Variants in TMPRSS15 observed in about 807,000 individuals in gnomAD.
The protein encoded by TMPRSS15 is enteropeptidase.
Under a neutral mutation model 125.3 loss-of-function variants are expected in TMPRSS15, and 128 were observed. The observed-to-expected ratio is 1.02, with a 90% CI of 0.89 to 1.18. The LOEUF (loss-of-function observed/expected upper bound fraction) is 1.18. Ranked by LOEUF, TMPRSS15 falls within the 50% of genes most tolerant of loss-of-function variation. The pLI, the probability that TMPRSS15 is intolerant of heterozygous loss-of-function variation, is 0.00. For synonymous variants in TMPRSS15, 446 were observed against 423.2 expected (o/e 1.05, Z -0.66); for missense variants, 1,283 against 1,212.7 (o/e 1.06, Z -0.86).
At chr21:18,349,625 C>T (rs1024486837) in intron 10 of TMPRSS15, among the ~76,000 whole-genome samples, 4 of 152,074 alleles carry the variant, frequency 2.6e-5, no homozygotes, top group African/African-American at 7.2e-5. Flanking sequence ...AAGAAAAACG[C>T]CCTTTGGAGA....
At chr21:18,284,573 T>C (rs951841518) in intron 21 of TMPRSS15, among the ~76,000 whole-genome samples, 2 of 152,196 alleles carry the variant, frequency 1.3e-5, no homozygotes, top group Non-Finnish European at 2.9e-5. Flanking sequence ...ATGGGACTTT[T>C]TATGTTTTTA....
intron 1 of TMPRSS15, among the ~76,000 whole-genome samples, chr21:18,459,671 G>A (rs1041896175): frequency 2.0e-5 from 3 of 151,964 alleles, no homozygotes; most frequent in Admixed American, 6.6e-5. Flanking sequence ...ATAATTTTTG[G>A]TCTTATTCTA....
chr21:18,302,479 C>A (rs539680099), intron 18 of TMPRSS15, among the ~76,000 whole-genome samples: 1 of 152,294 alleles, frequency 6.6e-6, no homozygotes, highest in African/African-American at 2.4e-5. Flanking sequence ...GCATTTATAA[C>A]AATACACCTA....
intron 16 of TMPRSS15, among the ~76,000 whole-genome samples, chr21:18,325,372 G>C (rs2075278358): frequency 6.6e-6 from 1 of 152,026 alleles, no homozygotes; most frequent in Non-Finnish European, 1.5e-5. Flanking sequence ...TATCAGTTGT[G>C]CTTCATTTTC....
Position 18,329,291 on chromosome 21 carries a change from A to G in TMPRSS15, c.1658T>C (p.Val553Ala). 6.2e-7 allele frequency: 1 copy of G among 1,609,206 alleles called. No homozygotes were observed. The highest frequency in any genetic ancestry group is 8.5e-7 in the Non-Finnish European group (1 of 1,177,268). ...TCCTTTTTGTGCATTTAAAATCCAA[A>G]CACCTAAAAAGTAAGAAGTAACATT... ...PNSYPNLAFC[V>A]WILNAQKGKN... is the part of the protein sequence containing the mutation. The change falls in exon 15 of 25, where the codon GTT becomes GCT. Residue 553 changes from valine (V) to alanine (A), a missense_variant. Physicochemically the swap from Val to Ala is moderately conservative, Grantham distance 64 (BLOSUM62 0). Transcript: ENST00000284885.
chr21:18,347,838 C>A (rs951622626), intron 10 of TMPRSS15, among the ~76,000 whole-genome samples: 3 of 152,076 alleles, frequency 2.0e-5, no homozygotes, highest in Non-Finnish European at 4.4e-5. Flanking sequence ...CAACTTAAAA[C>A]CCAGGATATT....
rs1291060796 is a variant in TMPRSS15 at position 18,332,081 on chromosome 21, CA to C, written c.1654+2del. ...CTGATGACCTGGAAAAGAAATGACTCACAGAAAGCCAGATTAGGGTAGCTGT... is the reference window on the plus strand; with the variant it reads ...CTGATGACCTGGAAAAGAAATGACTCCAGAAAGCCAGATTAGGGTAGCTGT... On this transcript the variant is annotated splice_donor_variant, in intron 14 of 24. Transcript: ENST00000284885. LOFTEE classifies it high-confidence loss of function. The C allele has an allele frequency of 6.2e-7, 1 of 1,612,866 alleles. No individual in the cohort carries two copies. The highest frequency in any genetic ancestry group is 8.5e-7 in the Non-Finnish European group (1 of 1,178,930).
At chr21:18,325,535 T>G (rs2075279710) in intron 16 of TMPRSS15, among the ~76,000 whole-genome samples, 2 of 152,082 alleles carry the variant, frequency 1.3e-5, no homozygotes, top group South Asian at 4.2e-4. Context: ...ATAGGCCAGA[T>G]GAAGATGAAC....
At chr21:18,467,989 A>G (rs1229541795) in intron 1 of TMPRSS15, among the ~76,000 whole-genome samples, 2 of 152,072 alleles carry the variant, frequency 1.3e-5, no homozygotes, top group Non-Finnish European at 2.9e-5. Context: ...GAGACAGTGG[A>G]GGTAAAGAGA....
At chr21:18,397,498 T>C (rs2076051125) in intron 3 of TMPRSS15, among the ~76,000 whole-genome samples, 1 of 152,140 alleles carries the variant, frequency 6.6e-6, no homozygotes, top group Admixed American at 6.6e-5. Context: ...GGGTACACAG[T>C]GGACAAGTAC....
At chr21:18,470,052 G>T (rs950045440) in intron 1 of TMPRSS15, among the ~76,000 whole-genome samples, 2 of 151,952 alleles carry the variant, frequency 1.3e-5, no homozygotes, top group African/African-American at 4.8e-5. Context: ...AGATAGCCTA[G>T]TTTTTTTGGT....
rs536598295 is a variant in TMPRSS15 at position 18,423,463 on chromosome 21, C to T, written c.11-25134G>A. ...TCGCTCTGTCGCCCAGGCTGGAGTG[C>T]AGTGGCGCGATCTCGGCTCACTGCA... is the stretch of plus-strand genomic sequence containing the variant. On this transcript the variant is annotated intron_variant, in intron 1 of 7. Coordinates refer to the TMPRSS15 transcript ENST00000422787. 2.0e-4 allele frequency among the ~76,000 whole-genome samples: 30 copies of T among 149,224 alleles called. 1 individual carries two copies. In the South Asian group the frequency reaches 6.1e-3, roughly 30 times the overall value.
At chr21:18,386,536 T>C (rs967053968) in intron 3 of TMPRSS15, among the ~76,000 whole-genome samples, 1 of 152,204 alleles carries the variant, frequency 6.6e-6, no homozygotes, top group Non-Finnish European at 1.5e-5. Flanking sequence ...ATTTCTGCAA[T>C]ACTTCCAAAA....
chr21:18,443,288 C>A (rs1268647870), intron 1 of TMPRSS15, among the ~76,000 whole-genome samples: 1 of 152,140 alleles, frequency 6.6e-6, no homozygotes, highest in Non-Finnish European at 1.5e-5. Flanking sequence ...GGCTGAGAAA[C>A]CATGCTGGGA....
chr21:18,406,020 A>G (rs1464145321), upstream of TMPRSS15, among the ~76,000 whole-genome samples: 11 of 152,092 alleles, frequency 7.2e-5, no homozygotes, highest in Admixed American at 7.2e-4. Context: ...TCATTCAGCT[A>G]TGACAGAATT....
chr21:18,373,595 A>G (rs2075813490), intron 5 of TMPRSS15, among the ~76,000 whole-genome samples: 1 of 152,208 alleles, frequency 6.6e-6, no homozygotes, highest in African/African-American at 2.4e-5. Context: ...AAATAAATAA[A>G]CCAAATAAAG....
intron 21 of TMPRSS15, among the ~76,000 whole-genome samples, chr21:18,281,879 C>G (rs1239230866): frequency 2.0e-5 from 3 of 151,986 alleles, no homozygotes; most frequent in Non-Finnish European, 2.9e-5. Context: ...GGGCGGATCA[C>G]AAGGTCAGGG....
At chr21:18,275,840 G>T (rs997913699) in intron 23 of TMPRSS15, among the ~76,000 whole-genome samples, 4 of 152,142 alleles carry the variant, frequency 2.6e-5, no homozygotes, top group Non-Finnish European at 5.9e-5. Context: ...CCTGGTCTAG[G>T]GGCAATCAGC....
intron 10 of TMPRSS15, among the ~76,000 whole-genome samples, chr21:18,349,282 A>C (rs2075539977): frequency 6.6e-6 from 1 of 152,172 alleles, no homozygotes; most frequent in South Asian, 2.1e-4. Context: ...GTCCTGCCTC[A>C]ACACCACCTT....
Sources: gnomAD v4.1 joint callset for allele counts (sites outside exome capture counted in the v4.1 genomes callset) on GRCh38, gnomAD v4.1.1 for gene constraint, MANE v1.5 for transcripts, NCBI Gene and HGNC (gene_info 2026-07-23, HGNC 2026-07-21) for gene names.